The following PCDH15 variants were observed in gnomAD, a reference collection of about 807,000 sequenced individuals.
PCDH15 encodes protocadherin-15.
A neutral mutation model predicts 178.5 loss-of-function variants in PCDH15; 129 were observed. The observed-to-expected ratio is 0.72, with a 90% CI of 0.63 to 0.84. The LOEUF is 0.84. PCDH15 is among the 40% of genes least tolerant of loss of function. PCDH15 has a pLI of 0.00. For synonymous variants in PCDH15, 800 were observed against 732.0 expected (o/e 1.09, Z -1.50); for missense variants, 2,230 against 2,099.9 (o/e 1.06, Z -1.21).
chr10:53,872,846 T>G (rs142598654), intron 26 of PCDH15, among the ~76,000 whole-genome samples: 2 of 152,320 alleles, frequency 1.3e-5, no homozygotes, highest in Non-Finnish European at 2.9e-5. Flanking sequence ...TCTCTCAGCT[T>G]TTCATCACAT....
At chr10:53,923,640 C>A (rs533871365) in intron 25 of PCDH15, among the ~76,000 whole-genome samples, 1 of 152,218 alleles carries the variant, frequency 6.6e-6, no homozygotes, top group African/African-American at 2.4e-5. Flanking sequence ...CATACAAGCC[C>A]TTTATTATTT....
chr10:55,564,112 G>T (rs1239925768), intron 2 of PCDH15, among the ~76,000 whole-genome samples: 1 of 151,630 alleles, frequency 6.6e-6, no homozygotes, highest in East Asian at 1.9e-4. Context: ...TTAGTCTAAA[G>T]TTCCCATTAT....
chr10:54,023,650 TAATA>T (rs1446251635), intron 18 of PCDH15, among the ~76,000 whole-genome samples: 2 of 147,830 alleles, frequency 1.4e-5, no homozygotes, highest in Admixed American at 6.9e-5. Context: ...TGTTTGTTTA[TAATA>T]AATAATATTT....
intron 2 of PCDH15, among the ~76,000 whole-genome samples, chr10:54,662,446 T>C (rs540508982): frequency 1.2e-4 from 18 of 152,134 alleles, no homozygotes; most frequent in African/African-American, 4.3e-4. Flanking sequence ...GTTAGTATAG[T>C]ACATTAAAGT....
At chr10:54,299,877 T>C (rs2060041201) in intron 8 of PCDH15, among the ~76,000 whole-genome samples, 2 of 152,208 alleles carry the variant, frequency 1.3e-5, no homozygotes, top group South Asian at 2.1e-4. Flanking sequence ...TAAGTTAATA[T>C]GGACTGAACG....
At chr10:55,170,039 T>C (rs150507496) in intron 1 of PCDH15, among the ~76,000 whole-genome samples, 1 of 152,028 alleles carries the variant, frequency 6.6e-6, no homozygotes, top group East Asian at 1.9e-4. Flanking sequence ...AAGTAGGCAG[T>C]GAGGGAAGGA....
chr10:54,184,237 A>C (rs907944098), intron 12 of PCDH15, among the ~76,000 whole-genome samples: 3 of 152,172 alleles, frequency 2.0e-5, no homozygotes, highest in African/African-American at 7.2e-5. Flanking sequence ...AACTTTTAAC[A>C]ATCACATAAA....
At chr10:55,359,722 A>ATG (rs1845179070) in intron 2 of PCDH15, among the ~76,000 whole-genome samples, 1 of 97,784 alleles carries the variant, frequency 1.0e-5, no homozygotes, top group Non-Finnish European at 2.1e-5. Flanking sequence ...AATGTGGTGT[A>ATG]TATATATATA....
chr10:54,882,401 A>T (rs11004619), intron 3 of PCDH15, among the ~76,000 whole-genome samples: 1 of 151,898 alleles, frequency 6.6e-6, no homozygotes, highest in South Asian at 2.1e-4. Context: ...CCACAGTTTT[A>T]TTCTTACTGT....
intron 25 of PCDH15, among the ~76,000 whole-genome samples, chr10:53,925,275 T>G (rs539589031): frequency 6.6e-6 from 1 of 150,674 alleles, no homozygotes; most frequent in Non-Finnish European, 1.5e-5. Flanking sequence ...CTGGGTAGAA[T>G]GAACAACTCC....
intron 26 of PCDH15, among the ~76,000 whole-genome samples, chr10:53,876,346 T>C (rs7089642): frequency 0.71 from 108,080 of 151,748 alleles, 38,753 homozygotes; most frequent in East Asian, 0.86. Context: ...CACCACCAGA[T>C]CCGGCTAATT....
At chr10:54,519,012 T>C (rs562487182) in intron 3 of PCDH15, among the ~76,000 whole-genome samples, 35 of 152,156 alleles carry the variant, frequency 2.3e-4, no homozygotes, top group African/African-American at 4.3e-4. Flanking sequence ...AATTCAACAA[T>C]CCTTCATGCT....
chr10:54,853,344 T>TAC (rs1438148460), intron 3 of PCDH15, among the ~76,000 whole-genome samples: 59 of 123,410 alleles, frequency 4.8e-4, no homozygotes, highest in Middle Eastern at 3.8e-3. Flanking sequence ...TACATATATA[T>TAC]ACATATATAT....
intron 3 of PCDH15, among the ~76,000 whole-genome samples, chr10:54,498,272 C>T (rs779512122): frequency 3.3e-5 from 5 of 152,062 alleles, no homozygotes; most frequent in Non-Finnish European, 7.4e-5. Context: ...GAAATTGTAA[C>T]CACCAGACCT....
chr10:54,178,698 C>G (rs991613235), intron 13 of PCDH15, among the ~76,000 whole-genome samples: 4 of 149,210 alleles, frequency 2.7e-5, no homozygotes, highest in Non-Finnish European at 3.0e-5. Flanking sequence ...GTACCAGAAT[C>G]TACAATGAAC....
intron 2 of PCDH15, among the ~76,000 whole-genome samples, chr10:54,589,649 C>T (rs554532675): frequency 1.3e-5 from 2 of 152,170 alleles, no homozygotes; most frequent in East Asian, 3.9e-4. Flanking sequence ...TGTCATATAG[C>T]AACCATTCTT....
rs554388910 is a variant in PCDH15, at chr10:54,433,034, C to G, written c.158-54092G>C. 4.7e-4 allele frequency among the ~76,000 whole-genome samples: 71 copies of G among 151,992 alleles called. 1 individual carries two copies. The South Asian group carries it at 5.4e-3, about 12-fold the overall frequency. On this transcript the variant is annotated intron_variant, in intron 3 of 37. Transcript: ENST00000644397. ...ACAACAATGAGATATCATCTTACAC[C>G]AGTTAAAATAGTTTTATCCAAAAAA...
At chr10:53,975,963 G>T (rs1374497231) in intron 21 of PCDH15, among the ~76,000 whole-genome samples, 1 of 152,066 alleles carries the variant, frequency 6.6e-6, no homozygotes, top group Non-Finnish European at 1.5e-5. Flanking sequence ...TGAAGGAAAG[G>T]CCTAGTTTCA....
At chr10:54,377,505 TA>T (rs1470343887) in intron 4 of PCDH15, among the ~76,000 whole-genome samples, 1 of 152,136 alleles carries the variant, frequency 6.6e-6, no homozygotes, top group Non-Finnish European at 1.5e-5. Context: ...AAAGAATTCA[TA>T]AGTAATAAAG....
Sources: gnomAD v4.1 joint callset for allele counts (sites outside exome capture counted in the v4.1 genomes callset) on GRCh38, gnomAD v4.1.1 for gene constraint, MANE v1.5 for transcripts, NCBI Gene and HGNC (gene_info 2026-07-23, HGNC 2026-07-21) for gene names.